The following CHRAC1 variants were observed in gnomAD, a reference collection of about 807,000 sequenced individuals.
The protein encoded by CHRAC1 is chromatin accessibility complex subunit 1.
Under a neutral mutation model 9.1 loss-of-function variants are expected in CHRAC1, and 6 were observed. The observed-to-expected ratio is 0.66, with a 90% CI of 0.36 to 1.29. The LOEUF is 1.29. CHRAC1 is among the 50% of genes most tolerant of loss of function. CHRAC1 has a pLI of 0.03. For synonymous variants in CHRAC1, 73 were observed against 64.5 expected, an observed-to-expected ratio of 1.13 and a Z score of -0.63; for missense variants, 168 against 163.5, an observed-to-expected ratio of 1.03 and a Z score of -0.15.
chr8:140,514,946 C>T (rs2072318594), intron 2 of CHRAC1, 180 bp from the exon 3 acceptor site: 1 of 589,870 alleles, frequency 1.7e-6, no homozygotes, highest in East Asian at 3.0e-5. Flanking sequence ...AGGCCTATAG[C>T]GTTCGTTAGG....
intron 1 of CHRAC1, 50 bp downstream of exon 1, chr8:140,511,696 C>T: frequency 1.1e-5 from 14 of 1,280,570 alleles, no homozygotes; most frequent in Non-Finnish European, 1.3e-5. Flanking sequence ...TCGCGCCCCG[C>T]CCCGCCGGGC....
intron 1 of CHRAC1, among the ~76,000 whole-genome samples, chr8:140,513,676 A>T (rs529421779): frequency 3.3e-5 from 5 of 151,486 alleles, no homozygotes; most frequent in Non-Finnish European, 7.4e-5. Context: ...CGATCTCCTG[A>T]CCATCCTTGG....
rs932946253 is a variant in CHRAC1, at chr8:140,511,787, C to G, written c.147+141C>G. ...CTCGCGCGCGCCCCGCTGTCCCCGT[C>G]CCACGCCGGCGCGCGCTTCGGTGCC... On this transcript the variant is annotated intron_variant, in intron 1 of 2. Coordinates refer to ENST00000220913, the MANE Select transcript of CHRAC1 (RefSeq NM_017444.6). The G allele has an allele frequency of 1.3e-4, 115 of 896,582 alleles. No individual in the cohort carries two copies. In the South Asian group the frequency reaches 1.4e-3, roughly 11 times the overall value. The allele number at this position is 896,582 out of a possible 1,614,324, so 55.5% of individuals were successfully genotyped here.
intron 1 of CHRAC1, among the ~76,000 whole-genome samples, chr8:140,513,578 G>GGCGC (rs2072303662): frequency 6.6e-6 from 1 of 151,920 alleles, no homozygotes; most frequent in East Asian, 1.9e-4. Context: ...TGGGACTACA[G>GGCGC]CCGCCACCAT....
At chr8:140,514,616 G>A (rs2072315433) in intron 2 of CHRAC1, 121 bp downstream of exon 2, 4 of 709,322 alleles carry the variant, frequency 5.6e-6, no homozygotes, top group East Asian at 3.1e-5. Context: ...TTTCCAAGCC[G>A]CAAAGTACTA....
intron 1 of CHRAC1, among the ~76,000 whole-genome samples, chr8:140,513,913 C>CTTTTTTTTTTTT (rs57880666): frequency 9.1e-5 from 8 of 87,478 alleles, no homozygotes; most frequent in African/African-American, 3.5e-4. Flanking sequence ...CCAGTGATTT[C>CTTTTTTTTTTTT]TTTTTTTTTT....
At position 140,516,603 on chromosome 8, in the gene CHRAC1, C is replaced by T. The variant is rs888510229; in HGVS notation, c.*1356C>T. On this transcript the variant is annotated 3_prime_UTR_variant, in exon 3 of 3. Coordinates refer to ENST00000220913, the MANE Select transcript of CHRAC1 (RefSeq NM_017444.6). ...CCACCCAGGACATTCCCCTCTGTTC[C>T]TCTGTTCCTCTCTTCTCCTGCCCCC... is the stretch of plus-strand genomic sequence containing the variant. 5 of 152,194 alleles carry T rather than the reference C, an allele frequency of 3.3e-5. No individual in the cohort carries two copies. Among genetic ancestry groups the T allele is most frequent in the African/African-American group, 1.2e-4 (5 of 41,436 alleles). 9.4% of individuals were successfully genotyped at this position (152,194 alleles called of 1,614,324 possible). A position where few individuals can be genotyped will look rare whatever the true frequency, so the allele number is the denominator to read the frequency against.
intron 1 of CHRAC1, among the ~76,000 whole-genome samples, chr8:140,513,017 C>T (rs1034647891): frequency 2.0e-5 from 3 of 152,178 alleles, no homozygotes; most frequent in Non-Finnish European, 4.4e-5. Flanking sequence ...AGGGTTTCAC[C>T]ATGTTGCCCA....
Position 140,511,422 on chromosome 8 carries a change from C to T in CHRAC1, c.-78C>T, listed in dbSNP as rs528706975. ...GGGGCAGCGGGCGCGGCTCCCCGTA[C>T]CCACCAGCTGGCCGGGCAGGGCAGC... is the stretch of plus-strand genomic sequence containing the variant. On this transcript the variant is annotated 5_prime_UTR_variant, in exon 1 of 3. Coordinates refer to ENST00000220913, the MANE Select transcript of CHRAC1 (RefSeq NM_017444.6). 2.2e-5 allele frequency: 27 copies of T among 1,231,192 alleles called. No individual in the cohort carries two copies. In the South Asian group the frequency reaches 4.6e-4, roughly 21 times the overall value. 76.3% of individuals were successfully genotyped at this position (1,231,192 alleles called of 1,614,324 possible).
At chr8:140,511,879 C>G (rs1000536307) in intron 1 of CHRAC1, 2 of 815,692 alleles carry the variant, frequency 2.5e-6, no homozygotes, top group African/African-American at 3.5e-5. Context: ...TCACGTTCTC[C>G]AGTTTCTTCG....
intron 1 of CHRAC1, among the ~76,000 whole-genome samples, chr8:140,513,283 C>G (rs1478326379): frequency 6.6e-6 from 1 of 152,204 alleles, no homozygotes; most frequent in Admixed American, 6.5e-5. Context: ...GGTTGTATGT[C>G]AGTTCCTAGA....
rs1451665374 is a variant in CHRAC1 at position 140,511,322 on chromosome 8, C to T, written c.-178C>T. On this transcript the variant is annotated 5_prime_UTR_variant, in exon 1 of 3. Coordinates refer to ENST00000220913, the MANE Select transcript of CHRAC1 (RefSeq NM_017444.6). ...CATGCGCAGATCGGGGGCGCGAGGC[C>T]TCACGGAGCTCGTAGTTTCCCGGAC... is the stretch of plus-strand genomic sequence containing the variant. 1 of 435,044 alleles carries T rather than the reference C, an allele frequency of 2.3e-6. No homozygotes were observed. The highest frequency in any genetic ancestry group is 2.1e-5 in the African/African-American group (1 of 48,596). 26.9% of individuals were successfully genotyped at this position (435,044 alleles called of 1,614,324 possible).
rs1341844195 is a variant in CHRAC1 at position 140,511,589 on chromosome 8, C to T, written c.90C>T (p.Ser30=). 6.7e-7 allele frequency: 1 copy of T among 1,491,778 alleles called. No homozygotes were observed. The highest frequency in any genetic ancestry group is 1.8e-4 in the Middle Eastern group (1 of 5,590). The allele number at this position is 1,491,778 out of a possible 1,614,324, so 92.4% of individuals were successfully genotyped here. The part of the protein sequence containing the change: ...PLSRIRVIMK[S]SPEVSSINQE... ...CCCGCATCCGGGTCATCATGAAGAG[C>T]TCCCCCGAGGTGTCCAGCATCAACC... The change falls in exon 1 of 3, where the codon AGC becomes AGT. Residue 30 remains serine, a synonymous_variant. Transcript: ENST00000220913.
Position 140,514,359 on chromosome 8 carries a change from T to C in CHRAC1, c.148-10T>C. ...CACACCTTTCATTTGCATTTTTCAT[T>C]TTGTTCTAGGAGCTCTTTGTTCAAT... On this transcript the variant is annotated splice_polypyrimidine_tract_variant and intron_variant, in intron 1 of 2. Coordinates refer to ENST00000220913, the MANE Select transcript of CHRAC1 (RefSeq NM_017444.6). The C allele has an allele frequency of 6.4e-7, 1 of 1,568,216 alleles. No individual in the cohort carries two copies. The highest frequency in any genetic ancestry group is 8.6e-7 in the Non-Finnish European group (1 of 1,167,214).
In CHRAC1 at chr8:140,514,426, A is replaced by G. The variant is rs2072313247; in HGVS notation, c.205A>G (p.Lys69Glu). Residue 69 changes from lysine to glutamate, a missense_variant, in exon 2 of 3, where the codon AAG becomes GAG. Coordinates refer to ENST00000220913, the MANE Select transcript of CHRAC1 (RefSeq NM_017444.6). ...CTACAGACACGGCAGTGGAAAGGAA[A>G]AGAAAGTACTGACTTACAGTGATTT... ...YSYRHGSGKE[K>E]KVLTYSDLAN... 1 of 1,587,008 alleles carries G rather than the reference A, an allele frequency of 6.3e-7. No individual in the cohort carries two copies. The highest frequency in any genetic ancestry group is 8.5e-7 in the Non-Finnish European group (1 of 1,172,314).
intron 1 of CHRAC1, among the ~76,000 whole-genome samples, chr8:140,512,254 G>GC (rs1237417554): frequency 1.3e-5 from 2 of 151,938 alleles, no homozygotes; most frequent in African/African-American, 2.4e-5. Flanking sequence ...AACTCCTCCA[G>GC]TGTCCCGTGG....
chr8:140,512,511 T>C (rs1312389924), intron 1 of CHRAC1, among the ~76,000 whole-genome samples: 1 of 152,230 alleles, frequency 6.6e-6, no homozygotes, highest in East Asian at 1.9e-4. Context: ...TGCGTCTCGA[T>C]AGTGTTAGGC....
At position 140,516,605 on chromosome 8, in the gene CHRAC1, C is replaced by T. The variant is rs2072340464; in HGVS notation, c.*1358C>T. 1.3e-5 allele frequency: 2 copies of T among 152,358 alleles called. No homozygotes were observed. Among genetic ancestry groups the T allele is most frequent in the South Asian group, 4.1e-4 (2 of 4,826 alleles). The allele number at this position is 152,358 out of a possible 1,614,324, so 9.4% of individuals were successfully genotyped here. ...ACCCAGGACATTCCCCTCTGTTCCTCTGTTCCTCTCTTCTCCTGCCCCCTA... is the reference window on the plus strand; with the variant it reads ...ACCCAGGACATTCCCCTCTGTTCCTTTGTTCCTCTCTTCTCCTGCCCCCTA... On this transcript the variant is annotated 3_prime_UTR_variant, in exon 3 of 3. Coordinates refer to ENST00000220913, the MANE Select transcript of CHRAC1 (RefSeq NM_017444.6).
intron 1 of CHRAC1, among the ~76,000 whole-genome samples, chr8:140,513,379 T>A (rs895082466): frequency 6.6e-6 from 1 of 152,358 alleles, no homozygotes; most frequent in Middle Eastern, 3.4e-3. Context: ...AATAGAAGAC[T>A]AAAAAGGTAT....
Sources: allele counts gnomAD v4.1 joint callset (sites outside exome capture counted in the v4.1 genomes callset), GRCh38; gene constraint gnomAD v4.1.1; transcripts MANE v1.5; gene names NCBI Gene and HGNC (gene_info 2026-07-23, HGNC 2026-07-21).